Variants in SRR observed in about 807,000 individuals in gnomAD.
SRR encodes the protein serine racemase, also known as D-serine ammonia-lyase.
SRR carries 19 observed loss-of-function variants against 32.7 expected under a neutral mutation model. The ratio of observed to expected loss-of-function variants is 0.58; its 90% CI spans 0.40 to 0.85. SRR has a LOEUF of 0.85. Among genes scored for constraint, SRR ranks in the 40% least tolerant of loss-of-function variants. The pLI is 0.00. For missense variants in SRR, 373 were observed against 404.7 expected (o/e 0.92, Z 0.67); for synonymous variants, 142 against 140.9 (o/e 1.01, Z -0.06).
intron 6 of SRR, 148 bp from the exon 7 acceptor site, chr17:2,322,988 C>G (rs1046552933): frequency 1.4e-6 from 1 of 729,594 alleles, no homozygotes; most frequent in Non-Finnish European, 2.3e-6. Context: ...TGGTCTTGAA[C>G]TCCTGACCTC....
At chr17:2,318,619 ATTTTTTTT>A (rs35847724) in intron 3 of SRR, among the ~76,000 whole-genome samples, 199 bp from the exon 4 acceptor site, 15 of 92,550 alleles carry the variant, frequency 1.6e-4, no homozygotes, top group South Asian at 4.1e-4. Flanking sequence ...ATGCCTGGCT[ATTTTTTTT>A]TTTTTTTTTT....
rs764282871 is a variant in SRR at position 2,324,766 on chromosome 17, T to C, written c.*893T>C. The C allele has an allele frequency of 6.2e-6, 10 of 1,614,224 alleles. No homozygotes were observed. In the South Asian group the frequency reaches 1.1e-4, roughly 18 times the overall value. On this transcript the variant is annotated 3_prime_UTR_variant, in exon 8 of 8. Transcript: ENST00000344595. ...AGGATGACCACTCAGAACAACTCTC[T>C]TGATGACCATTCTGTCTGGATCTAC...
intron 7 of SRR, 100 bp downstream of exon 7, chr17:2,323,445 T>C: frequency 7.2e-7 from 1 of 1,389,094 alleles, no homozygotes; most frequent in South Asian, 1.2e-5. Context: ...GGAACCTGAC[T>C]AGGTAACTTC....
chr17:2,306,277 C>T (rs929210474), intron 1 of SRR, among the ~76,000 whole-genome samples: 1 of 151,842 alleles, frequency 6.6e-6, no homozygotes, highest in African/African-American at 2.4e-5. Flanking sequence ...GATTGCTCCA[C>T]TGCACTCCAG....
At chr17:2,322,258 CA>C in intron 6 of SRR, among the ~76,000 whole-genome samples, 1 of 152,026 alleles carries the variant, frequency 6.6e-6, no homozygotes, top group Non-Finnish European at 1.5e-5. Flanking sequence ...GACAATTTTA[CA>C]GCACAAAAGC....
At position 2,324,376 on chromosome 17, in the gene SRR, T is replaced by C. The variant is rs2075560835; in HGVS notation, c.*503T>C. The C allele has an allele frequency of 6.3e-7, 1 of 1,577,396 alleles. No individual in the cohort carries two copies. Among genetic ancestry groups the C allele is most frequent in the Non-Finnish European group, 8.6e-7 (1 of 1,163,580 alleles). On this transcript the variant is annotated 3_prime_UTR_variant, in exon 8 of 8. Transcript: ENST00000344595. Reference sequence around the variant, plus strand: ...TGCATTTCATGTGGCCATGGGTACCTAGAAAGACATCAGAACAAGTCGGTC... The same window carrying C: ...TGCATTTCATGTGGCCATGGGTACCCAGAAAGACATCAGAACAAGTCGGTC...
chr17:2,318,219 A>G (rs1460565618), intron 3 of SRR, among the ~76,000 whole-genome samples: 2 of 152,010 alleles, frequency 1.3e-5, no homozygotes, highest in African/African-American at 2.4e-5. Flanking sequence ...ATCTCGGCTC[A>G]CTGTAACCTC....
intron 1 of SRR, chr17:2,307,331 C>T: frequency 2.8e-6 from 3 of 1,054,932 alleles, no homozygotes; most frequent in Non-Finnish European, 4.4e-6. Flanking sequence ...AGTGCTTCAT[C>T]CAGCCAAAGA....
Position 2,323,122 on chromosome 17 carries a change from A to G in SRR, c.595-14A>G. The G allele has an allele frequency of 1.2e-6, 2 of 1,613,788 alleles. No individual in the cohort carries two copies. Among genetic ancestry groups the G allele is most frequent in the Non-Finnish European group, 1.7e-6 (2 of 1,179,668 alleles). On this transcript the variant is annotated splice_polypyrimidine_tract_variant and intron_variant, in intron 6 of 7. Transcript: ENST00000344595. ...TGGTTTGTTGTTAAGATGTCTTAATATTCCTCTTCCCAGGCTCTGAAACCT... is the reference window on the plus strand; with the variant it reads ...TGGTTTGTTGTTAAGATGTCTTAATGTTCCTCTTCCCAGGCTCTGAAACCT...
chr17:2,322,083 T>C (rs2075534321), intron 6 of SRR, among the ~76,000 whole-genome samples: 1 of 152,062 alleles, frequency 6.6e-6, no homozygotes, highest in Non-Finnish European at 1.5e-5. Flanking sequence ...GCCCGGCCTA[T>C]TTATTATTTC....
intron 2 of SRR, 62 bp downstream of exon 2, chr17:2,315,790 AT>A (rs2075468528): frequency 6.7e-7 from 1 of 1,498,186 alleles, no homozygotes; most frequent in East Asian, 2.3e-5. Context: ...TATCAGTTTG[AT>A]TCTCCTGACC....
chr17:2,321,364 C>T lies in SRR; in HGVS notation c.458C>T (p.Pro153Leu). 2.5e-6 allele frequency: 4 copies of T among 1,613,064 alleles called. No homozygotes were observed. The highest frequency in any genetic ancestry group is 3.4e-6 in the Non-Finnish European group (4 of 1,179,710). The change falls in exon 5 of 8, where the codon CCC becomes CTC. Residue 153 changes from proline to leucine, a missense_variant. By Grantham distance (98) the Pro-to-Leu change is moderately conservative (BLOSUM62 -3). Transcript: ENST00000344595. ...TEETEGIMVH[P>L]NQEPAVIAGQ... ...GAAACAGAAGGCATCATGGTACATC[C>T]CAACCAGGAGCCTGCAGTGATAGCT...
intron 3 of SRR, among the ~76,000 whole-genome samples, chr17:2,318,609 A>G (rs1343696282): frequency 1.5e-5 from 2 of 136,962 alleles, no homozygotes; most frequent in Non-Finnish European, 3.1e-5. Flanking sequence ...GCCTGCCACC[A>G]TGCCTGGCTA....
chr17:2,319,082 T>C (rs1327596838), intron 4 of SRR, among the ~76,000 whole-genome samples, 153 bp downstream of exon 4: 2 of 152,132 alleles, frequency 1.3e-5, no homozygotes, highest in African/African-American at 4.8e-5. Flanking sequence ...ACTCACAAGA[T>C]CTCATTAGTC....
chr17:2,318,103 ATC>A, intron 3 of SRR, 107 bp downstream of exon 3: 1 of 1,279,706 alleles, frequency 7.8e-7, no homozygotes, highest in Non-Finnish European at 1.1e-6. Context: ...TTCCAAAGAA[ATC>A]TCTATCTGAT....
chr17:2,314,832 TTTTC>T (rs1457974437), intron 1 of SRR, among the ~76,000 whole-genome samples: 7 of 151,766 alleles, frequency 4.6e-5, no homozygotes, highest in South Asian at 2.1e-4. Flanking sequence ...TCTAGCTATT[TTTTC>T]TTTATCAAAT....
At chr17:2,316,724 T>C (rs1019677538) in intron 2 of SRR, among the ~76,000 whole-genome samples, 2 of 151,916 alleles carry the variant, frequency 1.3e-5, no homozygotes, top group Non-Finnish European at 2.9e-5. Context: ...TTGTTTTGTT[T>C]TGTTTTGAGA....
At position 2,315,625 on chromosome 17, in the gene SRR, C is replaced by T; in HGVS notation, c.65C>T (p.Ser22Phe). Residue 22 changes from serine (S) to phenylalanine (F), a missense_variant, in exon 2 of 8, where the codon TCT (serine) becomes TTT (phenylalanine). Coordinates refer to ENST00000344595, the MANE Select transcript of SRR (RefSeq NM_021947.3). ...AAAGCTCATATCAACATTCGAGATT[C>T]TATCCACCTCACACCAGTGCTAACA... is the stretch of plus-strand genomic sequence containing the variant. Reference protein sequence around the residue: ...VEKAHINIRDSIHLTPVLTSS... With the variant: ...VEKAHINIRDFIHLTPVLTSS... 6.2e-7 allele frequency: 1 copy of T among 1,614,148 alleles called. No individual in the cohort carries two copies. Among genetic ancestry groups the T allele is most frequent in the Non-Finnish European group, 8.5e-7 (1 of 1,180,014 alleles).
chr17:2,303,534 G>A (rs1418035016), upstream of SRR: 12 of 1,338,650 alleles, frequency 9.0e-6, no homozygotes, highest in South Asian at 1.1e-4. Flanking sequence ...GAAGGGGCGG[G>A]GGCTCCGGAG....
Sources: allele counts gnomAD v4.1 joint callset (sites outside exome capture counted in the v4.1 genomes callset), GRCh38; gene constraint gnomAD v4.1.1; transcripts MANE v1.5; gene names NCBI Gene and HGNC (gene_info 2026-07-23, HGNC 2026-07-21).